PTPRK: variants seen among roughly 807,000 people sequenced by gnomAD.
PTPRK encodes the protein receptor-type tyrosine-protein phosphatase kappa.
In PTPRK, 75 loss-of-function variants were observed where a neutral mutation model predicts 178.0. The observed-to-expected ratio is 0.42, with a 90% confidence interval of 0.35 to 0.51. The LOEUF (loss-of-function observed/expected upper bound fraction) is 0.51, where lower values mean the gene tolerates loss of function less well. Ranked by LOEUF, PTPRK falls within the 20% of genes least tolerant of loss-of-function variation. The probability of loss-of-function intolerance (pLI) is 0.02; values close to 1 mark genes in which losing one functional copy is unlikely to be tolerated. For missense variants in PTPRK, 1,441 were observed against 1,797.8 expected, an observed-to-expected ratio of 0.80 and a Z score of 3.59; for synonymous variants, 637 against 620.6, an observed-to-expected ratio of 1.03 and a Z score of -0.39.
At chr6:128,026,691 GA>G (rs1253552304) in intron 13 of PTPRK, among the ~76,000 whole-genome samples, 1 of 152,118 alleles carries the variant, frequency 6.6e-6, no homozygotes, top group South Asian at 2.1e-4. Context: ...ACATCATCTT[GA>G]AAAAATATAA....
intron 1 of PTPRK, among the ~76,000 whole-genome samples, chr6:128,443,664 T>C (rs1480474471): frequency 4.6e-5 from 7 of 152,186 alleles, no homozygotes; most frequent in African/African-American, 1.7e-4. Context: ...GAAGGAATTA[T>C]GACTCCCAGG....
chr6:128,214,292 C>A (rs1473939739), intron 6 of PTPRK, among the ~76,000 whole-genome samples: 1 of 152,040 alleles, frequency 6.6e-6, no homozygotes, highest in African/African-American at 2.4e-5. Flanking sequence ...AGCTACGATC[C>A]TACTGATTAC....
chr6:127,992,897 T>A (rs1421740641), intron 18 of PTPRK, among the ~76,000 whole-genome samples, 188 bp from the exon 19 acceptor site: 1 of 151,622 alleles, frequency 6.6e-6, no homozygotes, highest in East Asian at 1.9e-4. Flanking sequence ...AAACAAAAAT[T>A]AAATATTTTA....
At chr6:128,160,465 A>C (rs1562699449) in intron 7 of PTPRK, among the ~76,000 whole-genome samples, 1 of 151,748 alleles carries the variant, frequency 6.6e-6, no homozygotes, top group Non-Finnish European at 1.5e-5. Flanking sequence ...AAAGTGGATG[A>C]ACAACAAAGT....
At chr6:128,182,084 CAT>C (rs758592274) in intron 7 of PTPRK, among the ~76,000 whole-genome samples, 19 of 152,116 alleles carry the variant, frequency 1.2e-4, no homozygotes, top group Admixed American at 3.3e-4. Flanking sequence ...CTATAATAAA[CAT>C]GTGATAAAAA....
chr6:128,315,832 T>C (rs1047181901), intron 3 of PTPRK, among the ~76,000 whole-genome samples: 1 of 152,196 alleles, frequency 6.6e-6, no homozygotes, highest in Non-Finnish European at 1.5e-5. Context: ...TATTCGTTTT[T>C]GTTTGTCCCT....
Position 127,982,848 on chromosome 6 carries a change from G to C in PTPRK, c.3520C>G (p.Leu1174Val), listed in dbSNP as rs1775504005. ...RIDSQTNSSHLKDEFQTLNSV... is the reference protein window; with the variant it reads ...RIDSQTNSSHVKDEFQTLNSV... The stretch of plus-strand genomic sequence containing the variant: ...GTTAATACCTGAAATTCATCCTTGA[G>C]ATGTGAAGAGTTAGTCTGGGAGTCT... Residue 1174 changes from leucine (L) to valine (V), a missense_variant, in exon 24 of 30, where the codon CTC (leucine) becomes GTC (valine). By Grantham distance (32) the Leu-to-Val change is conservative. This residue lies in a region of PTPRK where 335 missense variants were observed against 512.4 expected (regional missense o/e 0.65). Transcript: ENST00000368226. 2 of 1,609,870 alleles carry C rather than the reference G, an allele frequency of 1.2e-6. No homozygotes were observed. The highest frequency in any genetic ancestry group is 1.7e-6 in the Non-Finnish European group (2 of 1,177,830).
intron 1 of PTPRK, among the ~76,000 whole-genome samples, chr6:128,399,542 G>T (rs1408385632): frequency 4.6e-5 from 7 of 152,202 alleles, no homozygotes; most frequent in African/African-American, 1.7e-4. Context: ...AAAATAGGTT[G>T]CTAGGAAATG....
chr6:128,003,032 G>A (rs1778016284), intron 15 of PTPRK, among the ~76,000 whole-genome samples: 1 of 151,806 alleles, frequency 6.6e-6, no homozygotes, highest in Non-Finnish European at 1.5e-5. Flanking sequence ...AAATCCACTA[G>A]ATCTGATATT....
At chr6:128,340,949 A>G (rs552178252) in intron 2 of PTPRK, among the ~76,000 whole-genome samples, 2 of 152,292 alleles carry the variant, frequency 1.3e-5, no homozygotes, top group Admixed American at 6.5e-5. Context: ...AAAAGTTTAA[A>G]TCTGCTTTAA....
chr6:128,024,468 A>G (rs1773983381), intron 13 of PTPRK, among the ~76,000 whole-genome samples: 1 of 152,242 alleles, frequency 6.6e-6, no homozygotes, highest in Admixed American at 6.5e-5. Flanking sequence ...ATGTAAATTT[A>G]GCACTAAGTA....
At chr6:128,024,194 T>A (rs1047101975) in intron 13 of PTPRK, among the ~76,000 whole-genome samples, 8 of 152,326 alleles carry the variant, frequency 5.3e-5, no homozygotes, top group South Asian at 2.1e-4. Flanking sequence ...AGAAACAGAC[T>A]AAAATAATTC....
chr6:128,113,551 A>G (rs1416986522), intron 7 of PTPRK, among the ~76,000 whole-genome samples: 1 of 150,588 alleles, frequency 6.6e-6, no homozygotes, highest in Non-Finnish European at 1.5e-5. Context: ...TTTTATAAGT[A>G]TTATAAATAA....
intron 3 of PTPRK, among the ~76,000 whole-genome samples, chr6:128,294,898 G>C (rs1288545167): frequency 6.6e-6 from 1 of 151,522 alleles, no homozygotes; most frequent in East Asian, 1.9e-4. Context: ...GTAAAGAACA[G>C]AGGGCTGACC....
At chr6:128,449,231 A>C (rs779433531) in intron 1 of PTPRK, among the ~76,000 whole-genome samples, 6 of 152,182 alleles carry the variant, frequency 3.9e-5, no homozygotes, top group Non-Finnish European at 5.9e-5. Flanking sequence ...ACACACATGC[A>C]TCTGGAAAGG....
At chr6:128,315,926 C>A (rs1827937140) in intron 3 of PTPRK, among the ~76,000 whole-genome samples, 1 of 152,134 alleles carries the variant, frequency 6.6e-6, no homozygotes, top group African/African-American at 2.4e-5. Context: ...GGACAGAGTT[C>A]ACACAAAAAT....
chr6:128,515,892 T>C (rs1361640460), intron 1 of PTPRK, among the ~76,000 whole-genome samples: 1 of 152,174 alleles, frequency 6.6e-6, no homozygotes, highest in East Asian at 1.9e-4. Flanking sequence ...CCAGTTTGAG[T>C]AGACCTGGTA....
chr6:128,258,154 T>G (rs1025487741), intron 3 of PTPRK, among the ~76,000 whole-genome samples: 3 of 152,170 alleles, frequency 2.0e-5, no homozygotes, highest in Non-Finnish European at 4.4e-5. Context: ...CTAAATTTTA[T>G]TCTCTTTAAG....
chr6:128,405,808 T>A (rs987828945), intron 1 of PTPRK, among the ~76,000 whole-genome samples: 1 of 151,900 alleles, frequency 6.6e-6, no homozygotes, highest in Non-Finnish European at 1.5e-5. Flanking sequence ...CCCAACCTCC[T>A]AGAGGAAGGG....
Sources: gnomAD v4.1 joint callset for allele counts (sites outside exome capture counted in the v4.1 genomes callset) on GRCh38, gnomAD v4.1.1 for gene constraint, gnomAD v4.1.1 regional missense constraint, MANE v1.5 for transcripts, NCBI Gene and HGNC (gene_info 2026-07-23, HGNC 2026-07-21) for gene names.